The following UGT2A1 variants were observed in gnomAD, a reference collection of about 807,000 sequenced individuals.
UGT2A1 encodes the protein UDP glucuronosyltransferase family 2 member A1 complex locus.
UGT2A1 carries 61 observed loss-of-function variants against 45.4 expected under a neutral mutation model. That is an observed-to-expected ratio of 1.34 (90% CI 1.09 to 1.66). The LOEUF (loss-of-function observed/expected upper bound fraction) is 1.66, where lower values mean the gene tolerates loss of function less well. Ranked by LOEUF, UGT2A1 falls within the 40% of genes most tolerant of loss-of-function variation. UGT2A1 has a pLI of 0.00. For missense variants in UGT2A1, 649 were observed against 574.3 expected, an observed-to-expected ratio of 1.13 and a Z score of -1.33; for synonymous variants, 229 against 196.2, an observed-to-expected ratio of 1.17 and a Z score of -1.40.
intron 3 of UGT2A1, among the ~76,000 whole-genome samples, chr4:69,629,200 T>C (rs1721251931): frequency 6.6e-6 from 1 of 151,658 alleles, no homozygotes; most frequent in East Asian, 1.9e-4. Context: ...ATATTAATAC[T>C]CCTCCAGGTA....
chr4:69,611,604 G>C (rs1720058239), intron 3 of UGT2A1, among the ~76,000 whole-genome samples: 1 of 151,996 alleles, frequency 6.6e-6, no homozygotes, highest in Admixed American at 6.6e-5. Context: ...TTTTATTTGA[G>C]AAAACGAAGG....
At chr4:69,625,314 T>C (rs1720990918) in intron 3 of UGT2A1, among the ~76,000 whole-genome samples, 1 of 151,064 alleles carries the variant, frequency 6.6e-6, no homozygotes, top group African/African-American at 2.4e-5. Context: ...TTGGATCTAT[T>C]TGTATATGGA....
chr4:69,598,803 T>C (rs935681827), intron 4 of UGT2A1, among the ~76,000 whole-genome samples: 2 of 152,130 alleles, frequency 1.3e-5, no homozygotes, highest in African/African-American at 4.8e-5. Flanking sequence ...CCTTATTTCA[T>C]TGTCTTTCTT....
chr4:69,617,704 A>G (rs1266270542), intron 3 of UGT2A1, among the ~76,000 whole-genome samples: 2 of 151,942 alleles, frequency 1.3e-5, no homozygotes, highest in Admixed American at 6.6e-5. Flanking sequence ...CTAAAATAAT[A>G]TAAATTATTA....
At chr4:69,589,755 T>TA in intron 6 of UGT2A1, 104 bp from the exon 7 acceptor site, 1 of 1,457,048 alleles carries the variant, frequency 6.9e-7, no homozygotes, top group South Asian at 1.4e-5. Context: ...AGGCCATAGT[T>TA]ACGTGGAGAA....
At chr4:69,621,272 T>C (rs1720739148) in intron 3 of UGT2A1, among the ~76,000 whole-genome samples, 1 of 151,776 alleles carries the variant, frequency 6.6e-6, no homozygotes, top group African/African-American at 2.4e-5. Flanking sequence ...TAATATCCAG[T>C]ATTTACAGGG....
chr4:69,612,439 C>T (rs1720119735), intron 3 of UGT2A1, among the ~76,000 whole-genome samples: 1 of 151,676 alleles, frequency 6.6e-6, no homozygotes, highest in Non-Finnish European at 1.5e-5. Flanking sequence ...TGAGAATAGC[C>T]AAAGTAAAGA....
At chr4:69,609,536 A>AATAC (rs1719904847) in intron 3 of UGT2A1, among the ~76,000 whole-genome samples, 1 of 152,106 alleles carries the variant, frequency 6.6e-6, no homozygotes, top group African/African-American at 2.4e-5. Flanking sequence ...ATTATATCTC[A>AATAC]ATACAACTGT....
chr4:69,607,782 A>G (rs1480643094), intron 3 of UGT2A1, among the ~76,000 whole-genome samples: 2 of 152,240 alleles, frequency 1.3e-5, no homozygotes, highest in African/African-American at 2.4e-5. Context: ...CACTTCTCAA[A>G]AGAAGACATT....
At chr4:69,636,380 AC>A (rs1392719048) in intron 2 of UGT2A1, among the ~76,000 whole-genome samples, 1 of 152,188 alleles carries the variant, frequency 6.6e-6, no homozygotes, top group Non-Finnish European at 1.5e-5. Context: ...ATGGGGTTTT[AC>A]CAGTTCTTCA....
intron 3 of UGT2A1, among the ~76,000 whole-genome samples, chr4:69,626,105 T>C (rs1721041820): frequency 1.3e-5 from 2 of 151,596 alleles, no homozygotes; most frequent in African/African-American, 4.8e-5. Context: ...CTTTGTTAAC[T>C]ACTTCATAAC....
At position 69,615,510 on chromosome 4, in the gene UGT2A1, C is replaced by T. The variant is rs369054070; in HGVS notation, c.848-16116G>A. On this transcript the variant is annotated intron_variant, in intron 3 of 6. Coordinates refer to ENST00000286604, the MANE Select transcript of UGT2A1 (RefSeq NM_001252275.3). Reference sequence around the variant, plus strand: ...ATTGATAAGTAGAATATATCAGCAGCTCAAACAATTCAAAAAGAAAAGAAT... The same window carrying T: ...ATTGATAAGTAGAATATATCAGCAGTTCAAACAATTCAAAAAGAAAAGAAT... Among the ~76,000 whole-genome samples the T allele has an allele frequency of 3.3e-5, 5 of 152,042 alleles. No individual in the cohort carries two copies. In the East Asian group the frequency reaches 5.8e-4, roughly 18 times the overall value.
intron 2 of UGT2A1, among the ~76,000 whole-genome samples, chr4:69,638,096 G>A (rs1721821609): frequency 6.6e-6 from 1 of 152,026 alleles, no homozygotes; most frequent in South Asian, 2.1e-4. Flanking sequence ...AAAGTCAAAA[G>A]GTATGTAAAA....
At chr4:69,643,484 T>G (rs1722129268) in intron 2 of UGT2A1, among the ~76,000 whole-genome samples, 1 of 151,648 alleles carries the variant, frequency 6.6e-6, no homozygotes, top group Admixed American at 6.6e-5. Flanking sequence ...TTACAACTTT[T>G]TTCTTGCAAT....
At chr4:69,589,735 T>C in intron 6 of UGT2A1, 84 bp from the exon 7 acceptor site, 1 of 1,515,676 alleles carries the variant, frequency 6.6e-7, no homozygotes, top group Non-Finnish European at 8.9e-7. Context: ...ACTTTTGCTC[T>C]ACAAGTTTAA....
At position 69,595,269 on chromosome 4, in the gene UGT2A1, A is replaced by G; in HGVS notation, c.997-20T>C. 1 of 1,612,440 alleles carries G rather than the reference A, an allele frequency of 6.2e-7. No homozygotes were observed. Among genetic ancestry groups the G allele is most frequent in the Non-Finnish European group, 8.5e-7 (1 of 1,179,368 alleles). On this transcript the variant is annotated intron_variant, in intron 4 of 6. Transcript: ENST00000286604. The stretch of plus-strand genomic sequence containing the variant: ...TAAAACCTGTGGAAAATGGTGCTTT[A>G]ATTTTGCAAGGAAAAACACAATGAG...
rs967145692 is a variant in UGT2A1 at position 69,605,131 on chromosome 4, C to T, written c.848-5737G>A. Among the ~76,000 whole-genome samples the T allele has an allele frequency of 3.7e-5, 5 of 136,788 alleles. 2 individuals carry two copies. The highest frequency in any genetic ancestry group is 3.6e-4 in the Admixed American group (5 of 13,906). 89.7% of individuals were successfully genotyped at this position (136,788 alleles called of 152,430 possible). On this transcript the variant is annotated intron_variant, in intron 3 of 6. Transcript: ENST00000286604. Reference sequence around the variant, plus strand: ...AACAGAATATACATTCTTCTCAGCACCACACCGCACTTATTCCAAAATTGA... The same window carrying T: ...AACAGAATATACATTCTTCTCAGCATCACACCGCACTTATTCCAAAATTGA...
chr4:69,617,748 T>A (rs1560481466), intron 3 of UGT2A1, among the ~76,000 whole-genome samples: 1 of 151,838 alleles, frequency 6.6e-6, no homozygotes, highest in Non-Finnish European at 1.5e-5. Context: ...CTAAAAATAT[T>A]GCCATTATAA....
rs1232371109 is a variant in UGT2A1 at position 69,594,682 on chromosome 4, T to C, written c.1099A>G (p.Lys367Glu). 2 of 1,613,702 alleles carry C rather than the reference T, an allele frequency of 1.2e-6. No individual in the cohort carries two copies. The highest frequency in any genetic ancestry group is 1.7e-6 in the Non-Finnish European group (2 of 1,179,810). The change falls in exon 6 of 7, where the codon AAA becomes GAA. Residue 367 changes from lysine (K) to glutamate (E), a missense_variant. Lys to Glu is a moderately conservative substitution (Grantham distance 56, BLOSUM62 1). Transcript: ENST00000286604. ...GTTCCACCATGAGTGATAAAAGCTT[T>C]GGTTTTGGGATGTCCTAATTTGAGG... The part of the protein sequence containing the change: ...QNDLLGHPKT[K>E]AFITHGGTNG...
Sources: gnomAD v4.1 joint callset for allele counts (sites outside exome capture counted in the v4.1 genomes callset) on GRCh38, gnomAD v4.1.1 for gene constraint, MANE v1.5 for transcripts, NCBI Gene and HGNC (gene_info 2026-07-23, HGNC 2026-07-21) for gene names.